TMPRSS11F: variants seen among roughly 807,000 people sequenced by gnomAD.
TMPRSS11F encodes the protein transmembrane serine protease 11F.
TMPRSS11F carries 47 observed loss-of-function variants against 60.2 expected under a neutral mutation model. The observed-to-expected ratio is 0.78, with a 90% CI of 0.62 to 1.00. The LOEUF is 1.00. Among genes scored for constraint, TMPRSS11F ranks in the 50% least tolerant of loss-of-function variants. TMPRSS11F has a pLI of 0.00. For synonymous variants in TMPRSS11F, 166 were observed against 167.3 expected (o/e 0.99, Z 0.06); for missense variants, 519 against 522.9 (o/e 0.99, Z 0.07).
rs556392547 is a variant in TMPRSS11F at position 68,079,623 on chromosome 4, T to C, written c.283-5614A>G. Among the ~76,000 whole-genome samples, 4 of 152,328 alleles carry C rather than the reference T, an allele frequency of 2.6e-5. No homozygotes were observed. The South Asian group carries it at 8.3e-4, about 32-fold the overall frequency. On this transcript the variant is annotated intron_variant, in intron 3 of 9. Coordinates refer to ENST00000356291, the MANE Select transcript of TMPRSS11F (RefSeq NM_207407.2). ...TTTTTCTGTTGGAAACTCAGTAATA[T>C]AATGCTTTTAATGTGATCCAAACTA...
intron 3 of TMPRSS11F, among the ~76,000 whole-genome samples, chr4:68,089,740 A>T (rs1723885790): frequency 6.6e-6 from 1 of 152,122 alleles, no homozygotes. Context: ...TAGTACAGTG[A>T]GGGAGAATGG....
intron 1 of TMPRSS11F, among the ~76,000 whole-genome samples, chr4:68,119,422 C>G (rs943553220): frequency 5.3e-5 from 8 of 152,190 alleles, no homozygotes; most frequent in African/African-American, 1.7e-4. Context: ...ATATAGGCAA[C>G]TTTCATAGCT....
chr4:68,066,239 T>C (rs893343778), intron 7 of TMPRSS11F, among the ~76,000 whole-genome samples: 5 of 152,034 alleles, frequency 3.3e-5, no homozygotes, highest in African/African-American at 1.2e-4. Flanking sequence ...GAAGCATCCA[T>C]TTGAAAACTA....
At chr4:68,115,482 G>A (rs964264750) in intron 1 of TMPRSS11F, among the ~76,000 whole-genome samples, 6 of 152,002 alleles carry the variant, frequency 3.9e-5, no homozygotes, top group Admixed American at 2.0e-4. Context: ...TTTGAAGCTC[G>A]GAATGGAGCA....
intron 1 of TMPRSS11F, among the ~76,000 whole-genome samples, chr4:68,105,483 G>A (rs1230925376): frequency 6.6e-6 from 1 of 152,068 alleles, no homozygotes; most frequent in Non-Finnish European, 1.5e-5. Context: ...GTTAAATTCT[G>A]TACTTCGATC....
intron 2 of TMPRSS11F, among the ~76,000 whole-genome samples, chr4:68,097,252 G>A (rs1432324759): frequency 6.6e-6 from 1 of 152,200 alleles, no homozygotes; most frequent in Admixed American, 6.6e-5. Flanking sequence ...TACAGTTCTG[G>A]AGGTCATATA....
At position 68,068,468 on chromosome 4, in the gene TMPRSS11F, T is replaced by C. The variant is rs58319413; in HGVS notation, c.755+150A>G. 3.0e-3 allele frequency: 1,919 copies of C among 629,538 alleles called. 32 individuals are homozygous for C. The African/African-American group carries it at 0.032, about 10-fold the overall frequency. 39.0% of individuals were successfully genotyped at this position (629,538 alleles called of 1,614,324 possible). A position where few individuals can be genotyped will look rare whatever the true frequency, so the allele number is the denominator to read the frequency against. ...AAAACTAACCATCATAGATAGGGCATAGGGGAAGCATAATCCATTTAGGGG... is the reference window on the plus strand; with the variant it reads ...AAAACTAACCATCATAGATAGGGCACAGGGGAAGCATAATCCATTTAGGGG... On this transcript the variant is annotated intron_variant, in intron 7 of 9. Transcript: ENST00000356291.
intron 2 of TMPRSS11F, among the ~76,000 whole-genome samples, chr4:68,094,907 T>C (rs1031961375): frequency 2.0e-5 from 3 of 152,014 alleles, no homozygotes; most frequent in Non-Finnish European, 2.9e-5. Context: ...TTAAAAATCC[T>C]GAAAAATTTA....
At chr4:68,108,313 A>G (rs557017323) in intron 1 of TMPRSS11F, among the ~76,000 whole-genome samples, 1 of 152,340 alleles carries the variant, frequency 6.6e-6, no homozygotes, top group Admixed American at 6.5e-5. Context: ...TTTTGAAAGT[A>G]GTGACATCAT....
intron 9 of TMPRSS11F, among the ~76,000 whole-genome samples, chr4:68,057,768 T>C (rs1723076810): frequency 6.6e-6 from 1 of 152,276 alleles, no homozygotes; most frequent in African/African-American, 2.4e-5. Context: ...ATGCTCAGTA[T>C]TACAAATCAT....
chr4:68,124,427 C>T (rs1045911014), intron 1 of TMPRSS11F, among the ~76,000 whole-genome samples: 2 of 152,034 alleles, frequency 1.3e-5, no homozygotes, highest in Non-Finnish European at 2.9e-5. Flanking sequence ...GGAGAATTAT[C>T]GTTTGAGCCT....
At chr4:68,088,154 T>C (rs1040445338) in intron 3 of TMPRSS11F, among the ~76,000 whole-genome samples, 6 of 151,826 alleles carry the variant, frequency 4.0e-5, no homozygotes, top group African/African-American at 9.7e-5. Context: ...ACCCATCTCA[T>C]GTGCAGAGAC....
At chr4:68,063,079 C>G (rs777502072) in intron 8 of TMPRSS11F, 1 of 648,702 alleles carries the variant, frequency 1.5e-6, no homozygotes, top group South Asian at 1.4e-5. Flanking sequence ...GTACTGTATT[C>G]TGAACCAAGA....
At chr4:68,129,660 A>C (rs1724780534) in intron 1 of TMPRSS11F, 150 bp downstream of exon 1, 1 of 637,928 alleles carries the variant, frequency 1.6e-6, no homozygotes, top group African/African-American at 1.8e-5. Flanking sequence ...AAACAACAAC[A>C]ATAAAACTTT....
At chr4:68,085,657 T>C (rs993253477) in intron 3 of TMPRSS11F, among the ~76,000 whole-genome samples, 4 of 152,124 alleles carry the variant, frequency 2.6e-5, no homozygotes, top group Non-Finnish European at 5.9e-5. Flanking sequence ...GATTCTACAA[T>C]CTGCTGCCTT....
At chr4:68,088,798 T>C (rs1723867666) in intron 3 of TMPRSS11F, among the ~76,000 whole-genome samples, 1 of 151,580 alleles carries the variant, frequency 6.6e-6, no homozygotes, top group African/African-American at 2.4e-5. Flanking sequence ...TGCAATCCCA[T>C]TTACAATAGC....
chr4:68,117,363 G>C (rs540694979), intron 1 of TMPRSS11F, among the ~76,000 whole-genome samples: 1 of 151,040 alleles, frequency 6.6e-6, no homozygotes, highest in South Asian at 2.1e-4. Context: ...GCTGCTCGGG[G>C]GGCTGAGGCA....
Position 68,118,869 on chromosome 4 carries a change from G to A in TMPRSS11F, c.11+10941C>T, listed in dbSNP as rs182025441. On this transcript the variant is annotated intron_variant, in intron 1 of 9. Coordinates refer to ENST00000356291, the MANE Select transcript of TMPRSS11F (RefSeq NM_207407.2). Reference sequence around the variant, plus strand: ...AAGACCTGAAGGATCATCTAATTAGGGTGAAAGCAAAAGAATGAGTTGCAT... The same window carrying A: ...AAGACCTGAAGGATCATCTAATTAGAGTGAAAGCAAAAGAATGAGTTGCAT... 1.4e-3 allele frequency among the ~76,000 whole-genome samples: 216 copies of A among 152,142 alleles called. 2 individuals carry two copies. Among genetic ancestry groups the A allele is most frequent in the African/African-American group, 4.9e-3 (202 of 41,506 alleles).
At chr4:68,102,735 G>C (rs956832944) in intron 1 of TMPRSS11F, among the ~76,000 whole-genome samples, 1 of 151,974 alleles carries the variant, frequency 6.6e-6, no homozygotes, top group Non-Finnish European at 1.5e-5. Flanking sequence ...TCAGACATAC[G>C]GTTGCAAATA....
Sources: gnomAD v4.1 joint callset for allele counts (sites outside exome capture counted in the v4.1 genomes callset) on GRCh38, gnomAD v4.1.1 for gene constraint, MANE v1.5 for transcripts, NCBI Gene and HGNC (gene_info 2026-07-23, HGNC 2026-07-21) for gene names.